Variants in PIAS3 observed in about 807,000 individuals in gnomAD.
The protein encoded by PIAS3 is E3 SUMO-protein ligase PIAS3.
Under a neutral mutation model 67.6 loss-of-function variants are expected in PIAS3, and 34 were observed. That is an observed-to-expected ratio of 0.50 (90% CI 0.38 to 0.67). The LOEUF is 0.67. Ranked by LOEUF, PIAS3 falls within the 30% of genes least tolerant of loss-of-function variation. The probability of loss-of-function intolerance (pLI) is 0.00; values close to 1 mark genes in which losing one functional copy is unlikely to be tolerated. For missense variants in PIAS3, 693 were observed against 791.6 expected, an observed-to-expected ratio of 0.88 and a Z score of 1.49; for synonymous variants, 341 against 313.8, an observed-to-expected ratio of 1.09 and a Z score of -0.92.
In PIAS3 at chr1:145,858,963, G is replaced by A. The variant is rs1553736144; in HGVS notation, c.24+4C>T. On this transcript the variant is annotated splice_donor_region_variant and intron_variant, in intron 1 of 13. Transcript: ENST00000393045. ...AGATGGGGATGGGGGGAGGGGGCCG[G>A]TACCTTTAATTCGCCCAGCTCCGCC... 3.9e-6 allele frequency: 6 copies of A among 1,535,078 alleles called. No individual in the cohort carries two copies. Among genetic ancestry groups the A allele is most frequent in the Non-Finnish European group, 5.3e-6 (6 of 1,142,156 alleles).
chr1:145,850,903 G>T lies in PIAS3; in HGVS notation c.1316C>A (p.Ser439Ter). 6.2e-7 allele frequency: 1 copy of T among 1,614,134 alleles called. No homozygotes were observed. The highest frequency in any genetic ancestry group is 2.2e-5 in the East Asian group (1 of 44,882). ...QYSPVQGGDP[S>*]ENKKKVEVID... ...AACTTCGACCTTCTTCTTATTCTCT[G>T]ATGGATCTCCCCCCTGGACTGGGCT... The change falls in exon 11 of 14, where the codon TCA becomes TAA. Residue 439 changes from serine to a stop codon, truncating the protein, a stop_gained. Transcript: ENST00000393045. LOFTEE classifies it high-confidence loss of function.
intron 4 of PIAS3, 32 bp downstream of exon 4, chr1:145,856,036 G>C: frequency 6.3e-7 from 1 of 1,586,416 alleles, no homozygotes. Context: ...CCCCCAGTGG[G>C]TACCCAGGAT....
In PIAS3 at chr1:145,854,485, G is replaced by T; in HGVS notation, c.883C>A (p.Arg295=). The T allele has an allele frequency of 1.2e-6, 2 of 1,613,816 alleles. No individual in the cohort carries two copies. Among genetic ancestry groups the T allele is most frequent in the Non-Finnish European group, 1.7e-6 (2 of 1,179,720 alleles). The part of the protein sequence containing the change: ...LLQKLRAKGI[R]NPDHSRALIK... ...AGTGCCCGCGAGTGGTCTGGGTTCC[G>T]GATACCCTTTGCTCTGAGTTTTTGT... The change falls in exon 7 of 14, where the codon CGG becomes AGG. Residue 295 remains arginine, a synonymous_variant. Coordinates refer to ENST00000393045, the MANE Select transcript of PIAS3 (RefSeq NM_006099.3).
At position 145,856,764 on chromosome 1, in the gene PIAS3, G is replaced by C. The variant is rs1166677604; in HGVS notation, c.267C>G (p.Ser89=). 3.1e-6 allele frequency: 5 copies of C among 1,613,930 alleles called. No individual in the cohort carries two copies. Among genetic ancestry groups the C allele is most frequent in the Middle Eastern group, 1.6e-4 (1 of 6,082 alleles). Residue 89 remains serine, a synonymous_variant, in exon 2 of 14, where the codon TCC becomes TCG. Transcript: ENST00000393045. ...GGGGAATGGGAGCTAGAGGACCAGG[G>C]GAGCCTACAGGAGAGGTGCCAGGGG... ...SLPPGTSPVG[S]PGPLAPIPPT... is the part of the protein sequence containing the mutation.
chr1:145,858,832 C>G, intron 1 of PIAS3, 135 bp downstream of exon 1: 1 of 712,814 alleles, frequency 1.4e-6, no homozygotes, highest in Non-Finnish European at 2.1e-6. Context: ...AGCTACTTCT[C>G]TCCCATCCTC....
chr1:145,849,284 G>A lies in PIAS3; in HGVS notation c.*162C>T, dbSNP rs972815680. 7 of 567,616 alleles carry A rather than the reference G, an allele frequency of 1.2e-5. No homozygotes were observed. In the African/African-American group the frequency reaches 1.3e-4, roughly 11 times the overall value. 35.2% of individuals were successfully genotyped at this position (567,616 alleles called of 1,614,324 possible). On this transcript the variant is annotated 3_prime_UTR_variant, in exon 14 of 14. Coordinates refer to ENST00000393045, the MANE Select transcript of PIAS3 (RefSeq NM_006099.3). ...GAGGTTAAATATTAACCCTTTGGGT[G>A]CTGGCCTTGTCAGGCAGAGATGAGG...
Position 145,850,222 on chromosome 1 carries a change from A to T in PIAS3, c.1620+10T>A. On this transcript the variant is annotated intron_variant, in intron 13 of 13. Transcript: ENST00000393045. ...GAGATCTGAGACCTTCTGAAGAAAGAACCACTTACCTGACTCTCTGTCTGA... is the reference window on the plus strand; with the variant it reads ...GAGATCTGAGACCTTCTGAAGAAAGTACCACTTACCTGACTCTCTGTCTGA... 1 of 1,614,202 alleles carries T rather than the reference A, an allele frequency of 6.2e-7. No homozygotes were observed. The highest frequency in any genetic ancestry group is 8.5e-7 in the Non-Finnish European group (1 of 1,180,024).
At position 145,856,089 on chromosome 1, in the gene PIAS3, T is replaced by C; in HGVS notation, c.557A>G (p.Tyr186Cys). The C allele has an allele frequency of 6.2e-7, 1 of 1,613,840 alleles. No homozygotes were observed. Among genetic ancestry groups the C allele is most frequent in the Non-Finnish European group, 8.5e-7 (1 of 1,179,762 alleles). Residue 186 changes from tyrosine to cysteine, a missense_variant, in exon 4 of 14, where the codon TAT (tyrosine) becomes TGT (cysteine). By Grantham distance (194) the Tyr-to-Cys change is radical (BLOSUM62 -2). Transcript: ENST00000393045. ...REVLPGAKCD[Y>C]TIQVQLRFCL... ...TCACCTTAGCTGCACCTGTATGGTA[T>C]AATCACATTTGGCTCCTGGCAGAAC...
rs1049488782 is a variant in PIAS3, at chr1:145,849,092, T to A, written c.*354A>T. The A allele has an allele frequency of 1.6e-5, 3 of 192,444 alleles. No individual in the cohort carries two copies. In the South Asian group the frequency reaches 5.8e-4, roughly 37 times the overall value. 11.9% of individuals were successfully genotyped at this position (192,444 alleles called of 1,614,324 possible). On this transcript the variant is annotated 3_prime_UTR_variant, in exon 14 of 14. Transcript: ENST00000393045. ...GAGAGCATTTGGGGTTCAAGAGAGG[T>A]GCCCCTTCCCCAAGAGGCTCTAGAC...
At chr1:145,858,656 CT>C (rs1653290080) in intron 1 of PIAS3, among the ~76,000 whole-genome samples, 1 of 151,352 alleles carries the variant, frequency 6.6e-6, no homozygotes, top group Non-Finnish European at 1.5e-5. Flanking sequence ...CCTTTTCCCC[CT>C]GGCCCTACCC....
Position 145,854,442 on chromosome 1 carries a change from G to A in PIAS3, c.910+16C>T. The A allele has an allele frequency of 1.9e-6, 3 of 1,557,052 alleles. No individual in the cohort carries two copies. The highest frequency in any genetic ancestry group is 2.2e-5 in the East Asian group (1 of 44,566). ...AATCCAGATCAGGTGGGGAAGAGAG[G>A]AAAGATGTTACTCACTCAGTGCCCG... On this transcript the variant is annotated intron_variant, in intron 7 of 13. Transcript: ENST00000393045.
chr1:145,858,779 A>G (rs1485350392), intron 1 of PIAS3, among the ~76,000 whole-genome samples, 188 bp downstream of exon 1: 1 of 45,568 alleles, frequency 2.2e-5, no homozygotes, highest in Non-Finnish European at 4.3e-5. Flanking sequence ...TCTGCCCCGC[A>G]GCCCCGCCCC....
intron 5 of PIAS3, 91 bp from the exon 6 acceptor site, chr1:145,854,971 A>G (rs2101683465): frequency 6.7e-7 from 1 of 1,499,060 alleles, no homozygotes; most frequent in African/African-American, 1.4e-5. Context: ...GGGTTATTCA[A>G]TCCCTGGAGG....
intron 1 of PIAS3, among the ~76,000 whole-genome samples, 158 bp downstream of exon 1, chr1:145,858,809 C>T (rs1448607977): frequency 1.3e-5 from 2 of 151,742 alleles, no homozygotes; most frequent in Non-Finnish European, 2.9e-5. Flanking sequence ...GCCGCAGCCC[C>T]TTCCTCGCTC....
At position 145,849,579 on chromosome 1, in the gene PIAS3, G is replaced by T; in HGVS notation, c.1754C>A (p.Thr585Asn). The change falls in exon 14 of 14, where the codon ACT becomes AAT. Residue 585 changes from threonine to asparagine, a missense_variant. Transcript: ENST00000393045. ...PTLGSSHCSATPAPPPGRVSS... is the reference protein window; with the variant it reads ...PTLGSSHCSANPAPPPGRVSS... ...GACACGGCCAGGAGGGGGCGCCGGA[G>T]TGGCGCTGCAGTGGGAGCTCCCCAG... The T allele has an allele frequency of 1.9e-6, 3 of 1,611,950 alleles. No individual in the cohort carries two copies. The highest frequency in any genetic ancestry group is 2.5e-6 in the Non-Finnish European group (3 of 1,179,012).
Position 145,851,032 on chromosome 1 carries a change from AC to A in PIAS3, c.1266del (p.Tyr423MetfsTer28). 6.2e-7 allele frequency: 1 copy of A among 1,614,048 alleles called. No homozygotes were observed. The highest frequency in any genetic ancestry group is 8.5e-7 in the Non-Finnish European group (1 of 1,180,004). On this transcript the variant is annotated frameshift_variant, in exon 10 of 14. Coordinates refer to ENST00000393045, the MANE Select transcript of PIAS3 (RefSeq NM_006099.3). LOFTEE classifies it high-confidence loss of function. ...KEASEVCPPPGYGLDGLQYSP... is the reference protein window; with the variant it reads ...KEASEVCPPPXYGLDGLQYSP... The stretch of plus-strand genomic sequence containing the variant: ...GGGGGTCACTCACCATCCAGCCCAT[AC>A]CCTGGCGGGGGGCAAACCTCAGATG...
intron 9 of PIAS3, among the ~76,000 whole-genome samples, chr1:145,852,810 G>A (rs1653015335): frequency 6.6e-6 from 1 of 151,962 alleles, no homozygotes; most frequent in Admixed American, 6.6e-5. Flanking sequence ...TGCCCAGGCT[G>A]GTCTCAAACT....
chr1:145,849,742 T>C lies in PIAS3; in HGVS notation c.1621-30A>G, dbSNP rs1243316802. The C allele has an allele frequency of 2.6e-6, 4 of 1,535,156 alleles. No individual in the cohort carries two copies. In the African/African-American group the frequency reaches 4.2e-5, roughly 16 times the overall value. On this transcript the variant is annotated intron_variant, in intron 13 of 13. Transcript: ENST00000393045. ...GAAGAATCAAGGGCATAGTTTAAGA[T>C]CTCAATCCCGACTTCCCCACCTCCC...
intron 12 of PIAS3, 85 bp from the exon 13 acceptor site, chr1:145,850,354 T>G (rs1652906503): frequency 6.2e-7 from 1 of 1,612,186 alleles, no homozygotes; most frequent in East Asian, 2.2e-5. Context: ...TGTGGCCCCT[T>G]GCAGGAGAAG....
Sources: gnomAD v4.1 joint callset for allele counts (sites outside exome capture counted in the v4.1 genomes callset) on GRCh38, gnomAD v4.1.1 for gene constraint, MANE v1.5 for transcripts, NCBI Gene and HGNC (gene_info 2026-07-23, HGNC 2026-07-21) for gene names.